The following DTNB variants were observed in gnomAD, a reference collection of about 807,000 sequenced individuals.
DTNB encodes DTN-B.
DTNB carries 63 observed loss-of-function variants against 90.7 expected under a neutral mutation model. The ratio of observed to expected loss-of-function variants is 0.69; its 90% confidence interval spans 0.57 to 0.86. The LOEUF (loss-of-function observed/expected upper bound fraction) is 0.86. Ranked by LOEUF, DTNB falls within the 40% of genes least tolerant of loss-of-function variation. The pLI, the probability that DTNB is intolerant of heterozygous loss-of-function variation, is 0.00. For synonymous variants in DTNB, 277 were observed against 286.7 expected (o/e 0.97, Z 0.34); for missense variants, 744 against 807.1 (o/e 0.92, Z 0.95).
intron 6 of DTNB, among the ~76,000 whole-genome samples, chr2:25,586,187 C>T (rs1039738275): frequency 8.5e-5 from 13 of 152,088 alleles, no homozygotes; most frequent in Admixed American, 2.6e-4. Context: ...TACTAATTTT[C>T]TCATGTCATA....
At chr2:25,505,682 C>T (rs1248229081) in intron 9 of DTNB, among the ~76,000 whole-genome samples, 3 of 151,836 alleles carry the variant, frequency 2.0e-5, no homozygotes, top group African/African-American at 4.8e-5. Flanking sequence ...CCTACTAAAC[C>T]TTATTTCTCT....
At chr2:25,417,248 T>C (rs1337943797) in intron 16 of DTNB, among the ~76,000 whole-genome samples, 1 of 152,176 alleles carries the variant, frequency 6.6e-6, no homozygotes, top group Admixed American at 6.5e-5. Flanking sequence ...ATACCTACAG[T>C]GGCTCATTAG....
At position 25,577,903 on chromosome 2, in the gene DTNB, G is replaced by A. The variant is rs376196872; in HGVS notation, c.710-899C>T. Reference sequence around the variant, plus strand: ...TAATCCCAGCTACTTGGGAGGCTGAGGCTGGAGAATCGCTTGAACCTGGGA... The same window carrying A: ...TAATCCCAGCTACTTGGGAGGCTGAAGCTGGAGAATCGCTTGAACCTGGGA... On this transcript the variant is annotated intron_variant, in intron 7 of 20. Coordinates refer to ENST00000406818, the MANE Select transcript of DTNB (RefSeq NM_021907.5). Among the ~76,000 whole-genome samples the A allele has an allele frequency of 3.9e-5, 6 of 152,184 alleles. No homozygotes were observed. In the East Asian group the frequency reaches 5.8e-4, roughly 15 times the overall value.
intron 16 of DTNB, among the ~76,000 whole-genome samples, chr2:25,413,373 G>A (rs965916295): frequency 4.0e-5 from 6 of 151,052 alleles, no homozygotes; most frequent in South Asian, 4.2e-4. Context: ...CCACTAACTC[G>A]TCATTTACAT....
intron 16 of DTNB, among the ~76,000 whole-genome samples, chr2:25,396,966 A>G (rs2042535355): frequency 6.6e-6 from 1 of 152,028 alleles, no homozygotes. Context: ...AAAGGGATAA[A>G]TTTGTCCTGA....
intron 10 of DTNB, among the ~76,000 whole-genome samples, chr2:25,469,887 A>C (rs1335620409): frequency 6.6e-6 from 1 of 152,214 alleles, no homozygotes; most frequent in Non-Finnish European, 1.5e-5. Context: ...GCAAAAGAGA[A>C]GGCAAGAAAC....
At chr2:25,648,989 CTACCTTTTTTT>C (rs2080158810) in intron 2 of DTNB, among the ~76,000 whole-genome samples, 2 of 145,010 alleles carry the variant, frequency 1.4e-5, no homozygotes, top group South Asian at 4.2e-4. Flanking sequence ...GCTATCCTTC[CTACCTTTTTTT>C]TTTTTTTTTT....
At chr2:25,406,266 G>A (rs914893404) in intron 16 of DTNB, among the ~76,000 whole-genome samples, 8 of 152,042 alleles carry the variant, frequency 5.3e-5, no homozygotes, top group Non-Finnish European at 8.8e-5. Context: ...TACCTGCTAG[G>A]GCCCTGAGAG....
chr2:25,646,840 G>C (rs548984524), intron 2 of DTNB, among the ~76,000 whole-genome samples: 2 of 152,184 alleles, frequency 1.3e-5, no homozygotes, highest in East Asian at 3.9e-4. Context: ...GCTGTGTCAC[G>C]GGCCATGGTC....
chr2:25,398,466 C>A, intron 16 of DTNB, among the ~76,000 whole-genome samples: 1 of 152,276 alleles, frequency 6.6e-6, no homozygotes, highest in African/African-American at 2.4e-5. Flanking sequence ...TAGGGTAATA[C>A]CAGTTTGCAA....
At chr2:25,478,072 C>G (rs1005263539) in intron 10 of DTNB, among the ~76,000 whole-genome samples, 3 of 149,746 alleles carry the variant, frequency 2.0e-5, no homozygotes, top group South Asian at 2.1e-4. Flanking sequence ...TGTTTCAGGA[C>G]GAAACAGGCA....
At chr2:25,666,776 G>A (rs1055559352) in intron 1 of DTNB, among the ~76,000 whole-genome samples, 11 of 152,138 alleles carry the variant, frequency 7.2e-5, no homozygotes, top group Non-Finnish European at 1.5e-4. Flanking sequence ...TAGACCAGGT[G>A]TGCACTTCCT....
At chr2:25,540,844 C>T (rs1286077829) in intron 8 of DTNB, among the ~76,000 whole-genome samples, 1 of 152,020 alleles carries the variant, frequency 6.6e-6, no homozygotes, top group Non-Finnish European at 1.5e-5. Context: ...TTGAAGGCAG[C>T]ATGCTCGTTA....
intron 6 of DTNB, among the ~76,000 whole-genome samples, chr2:25,594,610 T>C (rs2064221006): frequency 6.6e-6 from 1 of 152,382 alleles, no homozygotes; most frequent in Admixed American, 6.5e-5. Context: ...CAGGAGAATC[T>C]AGTTTACAAC....
At chr2:25,580,320 A>T (rs1005967542) in intron 7 of DTNB, among the ~76,000 whole-genome samples, 2 of 151,974 alleles carry the variant, frequency 1.3e-5, no homozygotes, top group Non-Finnish European at 2.9e-5. Flanking sequence ...AGTCTCTGCG[A>T]GATCAGCCTG....
chr2:25,432,206 TACACACACACACACACACAC>T (rs60610400), intron 14 of DTNB, among the ~76,000 whole-genome samples: 157 of 146,432 alleles, frequency 1.1e-3, no homozygotes, highest in African/African-American at 3.2e-3. Context: ...GAAGAGTGCG[TACACACACACACACACACAC>T]ACACACACAC....
At chr2:25,440,751 A>C (rs2057183929) in intron 12 of DTNB, among the ~76,000 whole-genome samples, 1 of 152,244 alleles carries the variant, frequency 6.6e-6, no homozygotes. Flanking sequence ...TAGGTTAAAC[A>C]GTTACAAAGA....
chr2:25,503,046 C>G (rs796206387), intron 9 of DTNB, among the ~76,000 whole-genome samples: 3 of 92,344 alleles, frequency 3.2e-5, no homozygotes, highest in African/African-American at 1.3e-4. Context: ...AGAGCAAGAC[C>G]CTATCTCAAA....
rs1302396946 is a variant in DTNB, at chr2:25,414,376, C to G, written c.1575+5139G>C. ...GGTTCACGCCATTCTCCTGCCTCAGCCTCCTGAGTAGCTGGGACTACAGGT... is the reference window on the plus strand; with the variant it reads ...GGTTCACGCCATTCTCCTGCCTCAGGCTCCTGAGTAGCTGGGACTACAGGT... On this transcript the variant is annotated intron_variant, in intron 16 of 20. Coordinates refer to ENST00000406818, the MANE Select transcript of DTNB (RefSeq NM_021907.5). Among the ~76,000 whole-genome samples the G allele has an allele frequency of 3.3e-5, 5 of 152,330 alleles. No homozygotes were observed. In the East Asian group the frequency reaches 9.6e-4, roughly 29 times the overall value.
Sources: gnomAD v4.1 joint callset for allele counts (sites outside exome capture counted in the v4.1 genomes callset) on GRCh38, gnomAD v4.1.1 for gene constraint, MANE v1.5 for transcripts, NCBI Gene and HGNC (gene_info 2026-07-23, HGNC 2026-07-21) for gene names.